PHKB: variants seen among roughly 807,000 people sequenced by gnomAD.
PHKB encodes the protein phosphorylase b kinase regulatory subunit beta.
A neutral mutation model predicts 152.1 loss-of-function variants in PHKB; 122 were observed. The observed-to-expected ratio is 0.80, with a 90% CI of 0.69 to 0.93. PHKB has a LOEUF of 0.93. Among genes scored for constraint, PHKB ranks in the 40% least tolerant of loss-of-function variants. The probability of loss-of-function intolerance (pLI) is 0.00; values close to 1 mark genes in which losing one functional copy is unlikely to be tolerated. For missense variants in PHKB, 1,304 were observed against 1,328.4 expected (o/e 0.98, Z 0.29); for synonymous variants, 436 against 464.9 (o/e 0.94, Z 0.80).
At chr16:47,473,462 A>G (rs1224852684) in intron 1 of PHKB, among the ~76,000 whole-genome samples, 1 of 151,696 alleles carries the variant, frequency 6.6e-6, no homozygotes, top group Non-Finnish European at 1.5e-5. Flanking sequence ...AATGGTTTTT[A>G]AAAGATGAAA....
At chr16:47,583,750 A>G (rs963747732) in intron 8 of PHKB, among the ~76,000 whole-genome samples, 1 of 152,136 alleles carries the variant, frequency 6.6e-6, no homozygotes, top group South Asian at 2.1e-4. Flanking sequence ...TAGAAGATCA[A>G]TTTGTTGGTA....
Position 47,696,365 on chromosome 16 carries a change from GA to G in PHKB, c.2896-15del, listed in dbSNP as rs1382710046. The G allele has an allele frequency of 8.0e-7, 1 of 1,242,900 alleles. No individual in the cohort carries two copies. Among genetic ancestry groups the G allele is most frequent in the East Asian group, 2.3e-5 (1 of 43,260 alleles). 77.0% of individuals were successfully genotyped at this position (1,242,900 alleles called of 1,614,324 possible). A position where few individuals can be genotyped will look rare whatever the true frequency, so the allele number is the denominator to read the frequency against. ...CATAACGGTTCAGCATGTTAATGTG[GA>G]GTTATTTTTTTCAGCAACCAACCCT... On this transcript the variant is annotated splice_polypyrimidine_tract_variant and intron_variant, in intron 28 of 30. Coordinates refer to ENST00000323584, the MANE Select transcript of PHKB (RefSeq NM_000293.3).
rs894156564 is a variant in PHKB, at chr16:47,663,670, T to C, written c.2279-7T>C. The C allele has an allele frequency of 6.2e-7, 1 of 1,611,636 alleles. No individual in the cohort carries two copies. Among genetic ancestry groups the C allele is most frequent in the Admixed American group, 1.7e-5 (1 of 59,972 alleles). On this transcript the variant is annotated splice_region_variant and splice_polypyrimidine_tract_variant and intron_variant, in intron 23 of 30. Coordinates refer to ENST00000323584, the MANE Select transcript of PHKB (RefSeq NM_000293.3). ...GTTCAACAAAGACTCTATTATCCAA[T>C]GTCTAGGTACCGTTTCTGATCACAT...
chr16:47,601,736 G>C (rs1972231279), intron 13 of PHKB, among the ~76,000 whole-genome samples: 1 of 151,264 alleles, frequency 6.6e-6, no homozygotes, highest in African/African-American at 2.4e-5. Context: ...CTAGACTTCA[G>C]CTTGTCTTTT....
At chr16:47,619,792 C>T (rs1972585324) in intron 14 of PHKB, among the ~76,000 whole-genome samples, 1 of 152,192 alleles carries the variant, frequency 6.6e-6, no homozygotes, top group African/African-American at 2.4e-5. Context: ...CTTGGGAGAG[C>T]TCTGGTTGCA....
chr16:47,536,314 G>A (rs925086527), intron 6 of PHKB, among the ~76,000 whole-genome samples: 4 of 152,138 alleles, frequency 2.6e-5, no homozygotes, highest in South Asian at 4.1e-4. Context: ...GCCTCCCAAA[G>A]TGCTGGGATT....
chr16:47,535,162 C>G (rs1436335214), intron 6 of PHKB, among the ~76,000 whole-genome samples: 1 of 152,128 alleles, frequency 6.6e-6, no homozygotes, highest in African/African-American at 2.4e-5. Flanking sequence ...GGGAGAAGAC[C>G]TTTTAATCAG....
At chr16:47,644,857 A>G (rs1048474262) in intron 16 of PHKB, among the ~76,000 whole-genome samples, 1 of 152,220 alleles carries the variant, frequency 6.6e-6, no homozygotes, top group Admixed American at 6.5e-5. Context: ...GGCATATCAA[A>G]GGTGCTTGTG....
chr16:47,523,834 C>T (rs182432382), intron 6 of PHKB, among the ~76,000 whole-genome samples: 21 of 152,284 alleles, frequency 1.4e-4, no homozygotes, highest in Admixed American at 3.3e-4. Flanking sequence ...AAGAAAAGCT[C>T]TTAATGCCTG....
At chr16:47,566,229 T>C in intron 7 of PHKB, 1 of 796,130 alleles carries the variant, frequency 1.3e-6, no homozygotes, top group Non-Finnish European at 2.2e-6. Context: ...ATCTCGATAC[T>C]TGTCTCCAAA....
At chr16:47,687,350 AAGAACTATGTTCTTGTTACTTT>A (rs1973982691) in intron 26 of PHKB, among the ~76,000 whole-genome samples, 2 of 152,216 alleles carry the variant, frequency 1.3e-5, no homozygotes, top group African/African-American at 4.8e-5. Context: ...AAGCATCCAA[AAGAACTATGTTCTTGTTACTTT>A]TATGCTTGTG....
At chr16:47,497,771 A>G (rs1970257573) in intron 2 of PHKB, among the ~76,000 whole-genome samples, 1 of 152,064 alleles carries the variant, frequency 6.6e-6, no homozygotes, top group African/African-American at 2.4e-5. Context: ...GACCTTGAGG[A>G]TGTTTCTTGA....
chr16:47,641,891 GT>G (rs1973030250), intron 16 of PHKB, among the ~76,000 whole-genome samples, 199 bp downstream of exon 16: 1 of 152,068 alleles, frequency 6.6e-6, no homozygotes, highest in African/African-American at 2.4e-5. Flanking sequence ...GTGTATATGT[GT>G]GTGTGCATGT....
intron 6 of PHKB, among the ~76,000 whole-genome samples, chr16:47,542,134 T>C (rs1971071363): frequency 6.6e-6 from 1 of 152,166 alleles, no homozygotes; most frequent in African/African-American, 2.4e-5. Flanking sequence ...TTTTGGGTCT[T>C]ATATTTAAGT....
chr16:47,693,569 C>G, intron 28 of PHKB, 62 bp downstream of exon 28: 7 of 1,534,258 alleles, frequency 4.6e-6, no homozygotes, highest in Non-Finnish European at 6.3e-6. Context: ...GAATCCTTTC[C>G]TCTTGCACTG....
At chr16:47,657,268 T>C (rs1363830581) in intron 20 of PHKB, among the ~76,000 whole-genome samples, 1 of 152,214 alleles carries the variant, frequency 6.6e-6, no homozygotes, top group Non-Finnish European at 1.5e-5. Context: ...AAATATTGGC[T>C]CATTGATTCA....
chr16:47,687,109 C>T (rs895633392), intron 26 of PHKB, among the ~76,000 whole-genome samples: 6 of 152,036 alleles, frequency 3.9e-5, no homozygotes, highest in African/African-American at 1.4e-4. Context: ...GCAGGTCTTC[C>T]GATGTTTAAT....
At chr16:47,566,529 G>C in intron 7 of PHKB, 8 of 1,601,258 alleles carry the variant, frequency 5.0e-6, no homozygotes, top group Non-Finnish European at 6.8e-6. Context: ...TAAAAGCACT[G>C]CACTGATATT....
At chr16:47,626,731 T>C (rs1184574696) in intron 14 of PHKB, among the ~76,000 whole-genome samples, 2 of 152,156 alleles carry the variant, frequency 1.3e-5, no homozygotes, top group African/African-American at 4.8e-5. Context: ...TTCTCATCCA[T>C]CAAGTGGATT....
Sources: allele counts gnomAD v4.1 joint callset (sites outside exome capture counted in the v4.1 genomes callset), GRCh38; gene constraint gnomAD v4.1.1; transcripts MANE v1.5; gene names NCBI Gene and HGNC (gene_info 2026-07-23, HGNC 2026-07-21).